The following TANGO6 variants were observed in gnomAD, a reference collection of about 807,000 sequenced individuals.
TANGO6 encodes transport and Golgi organization protein 6 homolog.
A neutral mutation model predicts 114.2 loss-of-function variants in TANGO6; 90 were observed. That is an observed-to-expected ratio of 0.79 (90% CI 0.66 to 0.94). The LOEUF (loss-of-function observed/expected upper bound fraction) is 0.94, where lower values mean the gene tolerates loss of function less well. Among genes scored for constraint, TANGO6 ranks in the 40% least tolerant of loss-of-function variants. The probability of loss-of-function intolerance (pLI) is 0.00; values close to 1 mark genes in which losing one functional copy is unlikely to be tolerated. For missense variants in TANGO6, 1,274 were observed against 1,315.3 expected, an observed-to-expected ratio of 0.97 and a Z score of 0.49; for synonymous variants, 477 against 509.8, an observed-to-expected ratio of 0.94 and a Z score of 0.87.
At chr16:68,957,880 T>A (rs1313320896) in intron 14 of TANGO6, among the ~76,000 whole-genome samples, 2 of 151,984 alleles carry the variant, frequency 1.3e-5, no homozygotes, top group Non-Finnish European at 2.9e-5. Context: ...TAACTAAAAT[T>A]AAAAATTCAG....
At chr16:68,863,628 C>T (rs1471457969) in intron 3 of TANGO6, among the ~76,000 whole-genome samples, 1 of 152,010 alleles carries the variant, frequency 6.6e-6, no homozygotes, top group Non-Finnish European at 1.5e-5. Flanking sequence ...AGACTTATGG[C>T]AATTTTATGT....
At chr16:68,887,219 A>G (rs540910776) in intron 7 of TANGO6, among the ~76,000 whole-genome samples, 1 of 152,170 alleles carries the variant, frequency 6.6e-6, no homozygotes, top group African/African-American at 2.4e-5. Context: ...GGTCTATTTT[A>G]TCTTGGTGCC....
chr16:68,946,728 C>G (rs1466690817), intron 14 of TANGO6, among the ~76,000 whole-genome samples: 1 of 152,156 alleles, frequency 6.6e-6, no homozygotes, highest in African/African-American at 2.4e-5. Context: ...TCTGAAACTC[C>G]TGGGGTCAAG....
At chr16:69,043,173 C>T (rs1456012831) in intron 17 of TANGO6, among the ~76,000 whole-genome samples, 1 of 152,112 alleles carries the variant, frequency 6.6e-6, no homozygotes, top group Non-Finnish European at 1.5e-5. Flanking sequence ...TTGCAGTGAG[C>T]CAAGATCGCG....
chr16:69,040,239 C>T, intron 16 of TANGO6, 69 bp from the exon 17 acceptor site: 2 of 1,333,762 alleles, frequency 1.5e-6, no homozygotes, highest in Non-Finnish European at 1.1e-6. Context: ...AAGTGGAACA[C>T]AGTTGAAAGG....
intron 14 of TANGO6, chr16:68,973,069 G>C (rs1963724470): frequency 4.4e-6 from 2 of 453,598 alleles, no homozygotes; most frequent in Non-Finnish European, 8.9e-6. Flanking sequence ...AACCACTGAG[G>C]GGTCTGGGCA....
intron 7 of TANGO6, among the ~76,000 whole-genome samples, chr16:68,884,257 A>G (rs1962507263): frequency 6.6e-6 from 1 of 152,152 alleles, no homozygotes; most frequent in African/African-American, 2.4e-5. Flanking sequence ...CTTGTATTTA[A>G]TTTCACTATT....
rs1415843326 is a variant in TANGO6, at chr16:68,859,883, G to T, written c.95-1G>T. 3 of 1,549,192 alleles carry T rather than the reference G, an allele frequency of 1.9e-6. No homozygotes were observed. Among genetic ancestry groups the T allele is most frequent in the Admixed American group, 2.1e-5 (1 of 48,234 alleles). On this transcript the variant is annotated splice_acceptor_variant, in intron 1 of 17. Transcript: ENST00000261778. LOFTEE classifies it high-confidence loss of function. ...ACTCTCCTTTTTTTCTTCTTCAAAA[G>T]GCTCGGGCTCAAGTTCACTACAGGT...
chr16:68,994,681 C>G (rs1285315502), intron 15 of TANGO6, among the ~76,000 whole-genome samples: 1 of 151,382 alleles, frequency 6.6e-6, no homozygotes, highest in African/African-American at 2.4e-5. Flanking sequence ...CTCAAACAAT[C>G]CTCCCACTTG....
rs112017283 is a variant in TANGO6 at position 68,990,097 on chromosome 16, G to A, written c.2842+15929G>A. 5.2e-3 allele frequency among the ~76,000 whole-genome samples: 798 copies of A among 152,120 alleles called. 9 individuals carry two copies. Among genetic ancestry groups the A allele is most frequent in the African/African-American group, 0.017 (686 of 41,480 alleles). The stretch of plus-strand genomic sequence containing the variant: ...CACTCAGGCTGGAGTGCAGTGGTGC[G>A]ATCACAGCTCAATGCAGCCTCAAAC... On this transcript the variant is annotated intron_variant, in intron 15 of 17. Coordinates refer to ENST00000261778, the MANE Select transcript of TANGO6 (RefSeq NM_024562.2).
At chr16:68,980,435 A>ATATATATTTTTT in intron 15 of TANGO6, among the ~76,000 whole-genome samples, 3 of 61,778 alleles carry the variant, frequency 4.9e-5, no homozygotes, top group African/African-American at 2.2e-4. Context: ...ATATATATAT[A>ATATATATTTTTT]TTTTTTTTTT....
chr16:69,083,554 G>C lies in TANGO6; in HGVS notation c.3178G>C (p.Val1060Leu). The change falls in exon 18 of 18, where the codon GTG becomes CTG. Residue 1060 changes from valine (V) to leucine (L), a missense_variant. Physicochemically the swap from Val to Leu is conservative, Grantham distance 32 (BLOSUM62 1). Transcript: ENST00000261778. ...KHVVCLEPDD[V>L]AKLHAQLALE... ...CGTAGTGTGTCTGGAGCCCGATGACGTGGCCAAGCTCCATGCCCAGTTGGC... is the reference window on the plus strand; with the variant it reads ...CGTAGTGTGTCTGGAGCCCGATGACCTGGCCAAGCTCCATGCCCAGTTGGC... The C allele has an allele frequency of 6.2e-7, 1 of 1,611,294 alleles. No homozygotes were observed. The highest frequency in any genetic ancestry group is 8.5e-7 in the Non-Finnish European group (1 of 1,178,822).
In TANGO6 at chr16:69,067,531, A is replaced by C. The variant is rs553402781; in HGVS notation, c.3109-15954A>C. 1.5e-4 allele frequency among the ~76,000 whole-genome samples: 22 copies of C among 147,516 alleles called. 1 individual carries two copies. The South Asian group carries it at 3.6e-3, about 24-fold the overall frequency. Reference sequence around the variant, plus strand: ...AAAACTCCATCTCAAAAAAAAAAAAAAAAAAACGCTGGGCGCCGTGGCACA... The same window carrying C: ...AAAACTCCATCTCAAAAAAAAAAAACAAAAAACGCTGGGCGCCGTGGCACA... On this transcript the variant is annotated intron_variant, in intron 17 of 17. Coordinates refer to ENST00000261778, the MANE Select transcript of TANGO6 (RefSeq NM_024562.2).
intron 1 of TANGO6, among the ~76,000 whole-genome samples, chr16:68,857,893 G>A (rs1209606060): frequency 6.6e-6 from 1 of 152,036 alleles, no homozygotes; most frequent in Non-Finnish European, 1.5e-5. Flanking sequence ...TTTCTTTTTT[G>A]TGATTTTATC....
intron 16 of TANGO6, among the ~76,000 whole-genome samples, chr16:69,038,412 A>T (rs982935459): frequency 1.3e-5 from 2 of 152,076 alleles, no homozygotes; most frequent in African/African-American, 2.4e-5. Flanking sequence ...CCTGGATGAC[A>T]GAGCGAGATC....
chr16:68,935,350 A>C (rs533897219), intron 14 of TANGO6, among the ~76,000 whole-genome samples: 1 of 152,016 alleles, frequency 6.6e-6, no homozygotes, highest in Non-Finnish European at 1.5e-5. Flanking sequence ...TAATTTATTG[A>C]TGTTTTATAT....
intron 15 of TANGO6, among the ~76,000 whole-genome samples, chr16:68,984,120 T>A (rs1963869864): frequency 6.6e-6 from 1 of 151,550 alleles, no homozygotes; most frequent in African/African-American, 2.4e-5. Context: ...TAAATTCAGG[T>A]GAAAAGGGAG....
intron 17 of TANGO6, among the ~76,000 whole-genome samples, chr16:69,056,363 C>T (rs1288414703): frequency 2.0e-5 from 3 of 152,126 alleles, no homozygotes; most frequent in African/African-American, 7.2e-5. Context: ...TTTAATGTCA[C>T]AGAATTTTAG....
chr16:68,915,026 G>A (rs1165525609), intron 11 of TANGO6, among the ~76,000 whole-genome samples: 1 of 150,836 alleles, frequency 6.6e-6, no homozygotes, highest in South Asian at 2.1e-4. Flanking sequence ...GATGGGCGCA[G>A]TGGCTTATGC....
Sources: gnomAD v4.1 joint callset for allele counts (sites outside exome capture counted in the v4.1 genomes callset) on GRCh38, gnomAD v4.1.1 for gene constraint, MANE v1.5 for transcripts, NCBI Gene and HGNC (gene_info 2026-07-23, HGNC 2026-07-21) for gene names.